THSD7B: variants seen among roughly 807,000 people sequenced by gnomAD.
The protein encoded by THSD7B is thrombospondin type-1 domain-containing protein 7B.
Under a neutral mutation model 213.6 loss-of-function variants are expected in THSD7B, and 138 were observed. The ratio of observed to expected loss-of-function variants is 0.65; its 90% CI spans 0.56 to 0.74. THSD7B has a LOEUF of 0.74. THSD7B is among the 30% of genes least tolerant of loss of function. The pLI, the probability that THSD7B is intolerant of heterozygous loss-of-function variation, is 0.00. For missense variants in THSD7B, 1,931 were observed against 1,991.5 expected, an observed-to-expected ratio of 0.97 and a Z score of 0.58; for synonymous variants, 742 against 687.0, an observed-to-expected ratio of 1.08 and a Z score of -1.25.
At chr2:136,780,920 G>A (rs1204843854) in intron 1 of THSD7B, among the ~76,000 whole-genome samples, 1 of 152,158 alleles carries the variant, frequency 6.6e-6, no homozygotes, top group Non-Finnish European at 1.5e-5. Flanking sequence ...ATAATTAGAA[G>A]GGGGTGGATA....
intron 2 of THSD7B, among the ~76,000 whole-genome samples, chr2:136,943,850 T>G (rs923211736): frequency 1.3e-5 from 2 of 152,210 alleles, no homozygotes; most frequent in African/African-American, 4.8e-5. Flanking sequence ...ATTCATTGAT[T>G]TTTTGAAGGG....
chr2:137,622,352 A>G (rs544063421), intron 20 of THSD7B, among the ~76,000 whole-genome samples: 14 of 152,238 alleles, frequency 9.2e-5, no homozygotes, highest in African/African-American at 2.6e-4. Flanking sequence ...AGCCTGCAAA[A>G]ACAAAACAAA....
intron 14 of THSD7B, among the ~76,000 whole-genome samples, chr2:137,438,893 G>A (rs549517522): frequency 1.3e-5 from 2 of 152,136 alleles, no homozygotes; most frequent in Admixed American, 6.6e-5. Context: ...GATCATCCTC[G>A]GTTTGGGGTA....
At chr2:136,829,970 G>A (rs533419671) in intron 1 of THSD7B, among the ~76,000 whole-genome samples, 1 of 151,848 alleles carries the variant, frequency 6.6e-6, no homozygotes, top group East Asian at 1.9e-4. Context: ...CTAAGTTGTG[G>A]CCCCACTGGG....
chr2:137,117,714 A>G (rs1372814529), intron 5 of THSD7B, among the ~76,000 whole-genome samples: 2 of 152,136 alleles, frequency 1.3e-5, no homozygotes, highest in Non-Finnish European at 2.9e-5. Flanking sequence ...ACCTGATTTT[A>G]GAGGAATTTA....
chr2:136,837,262 G>C (rs1239436799), intron 1 of THSD7B, among the ~76,000 whole-genome samples: 1 of 152,148 alleles, frequency 6.6e-6, no homozygotes, highest in East Asian at 1.9e-4. Context: ...ATCTGCCAGG[G>C]TCTGGCCATT....
At chr2:137,101,980 G>A (rs533501185) in intron 4 of THSD7B, among the ~76,000 whole-genome samples, 2 of 152,312 alleles carry the variant, frequency 1.3e-5, no homozygotes, top group African/African-American at 2.4e-5. Context: ...AGACTTAAAC[G>A]TTCCTGCCTG....
At chr2:137,024,763 C>G (rs1686514180) in intron 2 of THSD7B, among the ~76,000 whole-genome samples, 1 of 152,118 alleles carries the variant, frequency 6.6e-6, no homozygotes, top group African/African-American at 2.4e-5. Flanking sequence ...TTCTTCATCT[C>G]ATCAAATAAT....
At chr2:136,878,976 C>G (rs1322954478) in intron 1 of THSD7B, among the ~76,000 whole-genome samples, 1 of 152,188 alleles carries the variant, frequency 6.6e-6, no homozygotes, top group South Asian at 2.1e-4. Context: ...GTGTTTTAGA[C>G]ATGAAGTCCT....
At chr2:137,199,286 C>A (rs1458866872) in intron 7 of THSD7B, among the ~76,000 whole-genome samples, 1 of 152,196 alleles carries the variant, frequency 6.6e-6, no homozygotes, top group Middle Eastern at 3.4e-3. Context: ...CTAGTCTTTT[C>A]TCACTCTAAA....
intron 2 of THSD7B, among the ~76,000 whole-genome samples, chr2:136,978,252 G>A (rs1685516053): frequency 6.6e-6 from 1 of 152,200 alleles, no homozygotes; most frequent in Admixed American, 6.5e-5. Context: ...GTACCGAGAA[G>A]AATGTATATT....
intron 2 of THSD7B, among the ~76,000 whole-genome samples, chr2:136,951,871 T>C (rs946883605): frequency 1.3e-5 from 2 of 152,148 alleles, no homozygotes; most frequent in African/African-American, 4.8e-5. Context: ...TATTGGTTTG[T>C]TTGTTTTTGT....
At chr2:137,514,947 C>T (rs1463457815) in intron 15 of THSD7B, among the ~76,000 whole-genome samples, 2 of 152,190 alleles carry the variant, frequency 1.3e-5, no homozygotes, top group African/African-American at 2.4e-5. Context: ...GGGATTCTAA[C>T]TCCCGGCTTC....
rs114526092 is a variant in THSD7B, at chr2:137,171,384, T to G, written c.1723+446T>G. Among the ~76,000 whole-genome samples, 1,310 of 152,322 alleles carry G rather than the reference T, an allele frequency of 8.6e-3. 9 individuals are homozygous for G. The highest frequency in any genetic ancestry group is 0.082 in the Middle Eastern group (24 of 294). On this transcript the variant is annotated intron_variant, in intron 7 of 27. Transcript: ENST00000409968. The stretch of plus-strand genomic sequence containing the variant: ...CCAAACAAAACTAGGTGGCTTTTTG[T>G]TTATATGACATTAGAGTTGAATCAG...
chr2:137,178,209 A>G (rs1384836471), intron 7 of THSD7B, among the ~76,000 whole-genome samples: 3 of 114,898 alleles, frequency 2.6e-5, no homozygotes, highest in Non-Finnish European at 3.8e-5. Flanking sequence ...TTGCTTCTTT[A>G]TTGTTACCTA....
intron 12 of THSD7B, among the ~76,000 whole-genome samples, chr2:137,282,270 AT>A (rs1459811688): frequency 6.6e-6 from 1 of 151,872 alleles, no homozygotes; most frequent in Admixed American, 6.6e-5. Context: ...TTTCTTGTAA[AT>A]TTGTTTGAGT....
chr2:137,208,868 A>G (rs563965373), intron 7 of THSD7B, among the ~76,000 whole-genome samples: 64 of 152,192 alleles, frequency 4.2e-4, no homozygotes, highest in African/African-American at 1.4e-3. Flanking sequence ...TAGGATCTAC[A>G]ATAGCAATGC....
At chr2:137,042,647 T>C (rs189748411) in intron 2 of THSD7B, among the ~76,000 whole-genome samples, 3 of 152,286 alleles carry the variant, frequency 2.0e-5, no homozygotes, top group East Asian at 3.9e-4. Context: ...AAATCCTAAG[T>C]AATAATATGT....
intron 2 of THSD7B, among the ~76,000 whole-genome samples, chr2:136,994,803 A>G (rs115074213): frequency 0.017 from 2,606 of 152,330 alleles, 97 homozygotes; most frequent in African/African-American, 0.06. Context: ...TACCCTCCTG[A>G]AAGTATGTAT....
Sources: allele counts gnomAD v4.1 joint callset (sites outside exome capture counted in the v4.1 genomes callset), GRCh38; gene constraint gnomAD v4.1.1; transcripts MANE v1.5; gene names NCBI Gene and HGNC (gene_info 2026-07-23, HGNC 2026-07-21).